The following POLR3A variants were observed in gnomAD, a reference collection of about 807,000 sequenced individuals.
The protein encoded by POLR3A is RNA polymerase III subunit A.
Under a neutral mutation model 152.8 loss-of-function variants are expected in POLR3A, and 112 were observed. That is an observed-to-expected ratio of 0.73 (90% CI 0.63 to 0.86). POLR3A has a LOEUF of 0.86. POLR3A is among the 40% of genes least tolerant of loss of function. The pLI, the probability that POLR3A is intolerant of heterozygous loss-of-function variation, is 0.00. For synonymous variants in POLR3A, 615 were observed against 652.1 expected, an observed-to-expected ratio of 0.94 and a Z score of 0.87; for missense variants, 1,385 against 1,743.1, an observed-to-expected ratio of 0.79 and a Z score of 3.66.
At chr10:78,006,481 A>G (rs1482486605) in intron 15 of POLR3A, among the ~76,000 whole-genome samples, 1 of 151,812 alleles carries the variant, frequency 6.6e-6, no homozygotes, top group East Asian at 1.9e-4. Flanking sequence ...AATTAAATAC[A>G]TGACAGTGAT....
Position 77,977,219 on chromosome 10 carries a change from C to T in POLR3A, c.*259G>A, listed in dbSNP as rs920599516. 5 of 468,416 alleles carry T rather than the reference C, an allele frequency of 1.1e-5. No individual in the cohort carries two copies. The highest frequency in any genetic ancestry group is 2.0e-5 in the African/African-American group (1 of 50,578). 29.0% of individuals were successfully genotyped at this position (468,416 alleles called of 1,614,324 possible). ...GCAGTGTGTGCACGAGCTGTGGGGC[C>T]GTCTATAGATTAGGTTTCAAGCAAG... On this transcript the variant is annotated 3_prime_UTR_variant, in exon 31 of 31. Coordinates refer to ENST00000372371, the MANE Select transcript of POLR3A (RefSeq NM_007055.4).
At chr10:78,021,749 G>A (rs375790833) in intron 7 of POLR3A, 67 bp from the exon 8 acceptor site, 10 of 1,610,502 alleles carry the variant, frequency 6.2e-6, no homozygotes, top group East Asian at 4.5e-5. Context: ...CAATAAGAAC[G>A]GAGAGACTGA....
intron 19 of POLR3A, among the ~76,000 whole-genome samples, chr10:77,995,954 A>G (rs1001141452): frequency 2.0e-5 from 3 of 152,234 alleles, no homozygotes; most frequent in African/African-American, 7.2e-5. Context: ...AAATTATAAC[A>G]AACTGTCTCT....
chr10:78,009,889 C>A lies in POLR3A; in HGVS notation c.1745G>T (p.Arg582Leu), dbSNP rs34588967. 23,032 of 1,614,044 alleles carry A rather than the reference C, an allele frequency of 0.014. 190 individuals are homozygous for A. Among genetic ancestry groups the A allele is most frequent in the Non-Finnish European group, 0.018 (20,730 of 1,179,996 alleles). ...LVGKDEKIKV[R>L]LPPPTILKPV... ...CTTTAGGATTGTAGGCGGTGGGAGGCGAACTTTAATTTTCTCATCCTTGCC... is the reference window on the plus strand; with the variant it reads ...CTTTAGGATTGTAGGCGGTGGGAGGAGAACTTTAATTTTCTCATCCTTGCC... The change falls in exon 13 of 31, where the codon CGC becomes CTC. Residue 582 changes from arginine to leucine, a missense_variant. Around this residue, in one of 7 missense-constraint regions of POLR3A, gnomAD observed 188 missense variants for 179.9 expected, o/e 1.04. Coordinates refer to ENST00000372371, the MANE Select transcript of POLR3A (RefSeq NM_007055.4).
At chr10:77,992,304 G>A (rs540765865) in intron 20 of POLR3A, among the ~76,000 whole-genome samples, 1 of 150,252 alleles carries the variant, frequency 6.7e-6, no homozygotes, top group Non-Finnish European at 1.5e-5. Context: ...CAGGGTCTTG[G>A]TCTGTCACCC....
At chr10:77,981,314 T>C (rs762821427) in intron 29 of POLR3A, 114 bp downstream of exon 29, 5 of 1,029,912 alleles carry the variant, frequency 4.9e-6, no homozygotes, top group Non-Finnish European at 7.6e-6. Context: ...ATTTTCTCTC[T>C]ATGATGGTCC....
At chr10:78,018,974 C>T (rs981908998) in intron 9 of POLR3A, among the ~76,000 whole-genome samples, 188 bp downstream of exon 9, 6 of 152,170 alleles carry the variant, frequency 3.9e-5, no homozygotes, top group African/African-American at 1.4e-4. Context: ...AGGAGCACTT[C>T]ATGTATATTC....
chr10:77,996,374 C>T (rs1847300561), intron 19 of POLR3A, among the ~76,000 whole-genome samples: 1 of 152,110 alleles, frequency 6.6e-6, no homozygotes, highest in Admixed American at 6.6e-5. Context: ...AATCCAGGAG[C>T]TGGTTTTTTG....
Position 77,976,353 on chromosome 10 carries a change from C to T in POLR3A, c.*1125G>A, listed in dbSNP as rs756147766. 6.6e-6 allele frequency: 1 copy of T among 152,172 alleles called. No homozygotes were observed. The highest frequency in any genetic ancestry group is 1.5e-5 in the Non-Finnish European group (1 of 68,106). The allele number at this position is 152,172 out of a possible 1,614,324, so 9.4% of individuals were successfully genotyped here. On this transcript the variant is annotated 3_prime_UTR_variant, in exon 31 of 31. Coordinates refer to ENST00000372371, the MANE Select transcript of POLR3A (RefSeq NM_007055.4). Reference sequence around the variant, plus strand: ...TCATGTTGCCCAGGCTGCTCTCGAACTCCTGGGCTCAAGTGATCTGCCCCC... The same window carrying T: ...TCATGTTGCCCAGGCTGCTCTCGAATTCCTGGGCTCAAGTGATCTGCCCCC...
intron 29 of POLR3A, 68 bp downstream of exon 29, chr10:77,981,360 A>T (rs889087959): frequency 2.7e-6 from 4 of 1,464,476 alleles, no homozygotes; most frequent in Non-Finnish European, 3.8e-6. Flanking sequence ...TAGAAACTCC[A>T]CAGGCTTATT....
chr10:78,009,602 G>C lies in POLR3A; in HGVS notation c.1844C>G (p.Ala615Gly), dbSNP rs746689667. The C allele has an allele frequency of 6.2e-7, 1 of 1,614,176 alleles. No homozygotes were observed. Among genetic ancestry groups the C allele is most frequent in the Non-Finnish European group, 8.5e-7 (1 of 1,180,048 alleles). ...LRPSDDNPVR[A>G]NLRTKGKQYC... The stretch of plus-strand genomic sequence containing the variant: ...CTGCTTGCCCTTGGTTCGCAGGTTG[G>C]CCCTCACTGGATTGTCATCGCTAGG... The change falls in exon 14 of 31, where the codon GCC becomes GGC. Residue 615 changes from alanine to glycine, a missense_variant. Transcript: ENST00000372371.
intron 10 of POLR3A, among the ~76,000 whole-genome samples, chr10:78,015,269 A>T (rs1022473671): frequency 6.6e-6 from 1 of 152,212 alleles, no homozygotes; most frequent in South Asian, 2.1e-4. Context: ...TTGCATATAG[A>T]GGATGGGAAT....
chr10:78,022,422 G>C (rs1847588951), intron 5 of POLR3A, 38 bp from the exon 6 acceptor site: 1 of 1,607,606 alleles, frequency 6.2e-7, no homozygotes. Context: ...GAGATACTAT[G>C]TTAGTTTTCC....
chr10:77,993,428 A>G, intron 19 of POLR3A, 61 bp from the exon 20 acceptor site: 1 of 1,298,608 alleles, frequency 7.7e-7, no homozygotes, highest in Non-Finnish European at 1.1e-6. Context: ...TGGGGAGAGG[A>G]TAAGATTTGC....
chr10:77,978,709 A>G (rs1358065964), intron 30 of POLR3A, among the ~76,000 whole-genome samples: 1 of 140,346 alleles, frequency 7.1e-6, no homozygotes, highest in Non-Finnish European at 1.5e-5. Context: ...TGCTCAGGCT[A>G]GAGTGCAGTG....
intron 1 of POLR3A, among the ~76,000 whole-genome samples, chr10:78,027,542 G>A (rs1248338288): frequency 6.7e-6 from 1 of 149,686 alleles, no homozygotes; most frequent in East Asian, 1.9e-4. Flanking sequence ...ACAATGGAAA[G>A]CTGCTAGAGG....
chr10:77,997,827 A>C (rs907085439), intron 19 of POLR3A, among the ~76,000 whole-genome samples: 2 of 151,830 alleles, frequency 1.3e-5, no homozygotes, highest in Non-Finnish European at 2.9e-5. Context: ...TGGAACCAAA[A>C]AAGAGCCCAC....
At chr10:78,006,607 A>C (rs1847414699) in intron 15 of POLR3A, among the ~76,000 whole-genome samples, 1 of 152,076 alleles carries the variant, frequency 6.6e-6, no homozygotes, top group South Asian at 2.1e-4. Flanking sequence ...TATGTAATTA[A>C]CTGAAGTTCC....
chr10:78,021,426 C>G, intron 8 of POLR3A, 120 bp downstream of exon 8: 1 of 961,480 alleles, frequency 1.0e-6, no homozygotes, highest in Non-Finnish European at 1.6e-6. Flanking sequence ...CTCATATAAA[C>G]CAAACTGTGG....
Sources: allele counts gnomAD v4.1 joint callset (sites outside exome capture counted in the v4.1 genomes callset), GRCh38; gene constraint gnomAD v4.1.1; regional missense constraint gnomAD v4.1.1; transcripts MANE v1.5; gene names NCBI Gene and HGNC (gene_info 2026-07-23, HGNC 2026-07-21).